Variants in VPS13D observed in about 807,000 individuals in gnomAD.
The protein encoded by VPS13D is vacuolar protein sorting 13 homolog D, also known as intermembrane lipid transfer protein VPS13D.
VPS13D carries 187 observed loss-of-function variants against 461.9 expected under a neutral mutation model. The ratio of observed to expected loss-of-function variants is 0.40; its 90% CI spans 0.36 to 0.46. The LOEUF (loss-of-function observed/expected upper bound fraction) is 0.46, where lower values mean the gene tolerates loss of function less well. VPS13D is among the 20% of genes least tolerant of loss of function. The pLI is 0.60. For synonymous variants in VPS13D, 1,951 were observed against 1,986.3 expected, an observed-to-expected ratio of 0.98 and a Z score of 0.47; for missense variants, 4,711 against 5,364.9, an observed-to-expected ratio of 0.88 and a Z score of 3.81.
At chr1:12,354,345 G>A (rs1418498984) in intron 47 of VPS13D, 124 bp downstream of exon 47, 4 of 1,234,848 alleles carry the variant, frequency 3.2e-6, no homozygotes, top group South Asian at 1.5e-5. Flanking sequence ...CAATAAGCCA[G>A]CTCAAAGGAA....
intron 5 of VPS13D, among the ~76,000 whole-genome samples, chr1:12,248,823 C>A (rs1002551950): frequency 1.3e-5 from 2 of 152,044 alleles, no homozygotes; most frequent in Non-Finnish European, 2.9e-5. Context: ...GAACAATTGT[C>A]TGTATACAAT....
rs1447325986 is a variant in VPS13D at position 12,304,559 on chromosome 1, A to G, written c.6270A>G (p.Lys2090=). The G allele has an allele frequency of 3.1e-6, 5 of 1,613,998 alleles. No individual in the cohort carries two copies. In the African/African-American group the frequency reaches 6.7e-5, roughly 22 times the overall value. ...GTATTCCCAAACACAGTCTGAGGAA[A>G]ACGACAAGCACGGAGGAGCCCAGGG... The part of the protein sequence containing the change: ...PTGIPKHSLR[K]TTSTEEPRGT... Residue 2090 remains lysine, a synonymous_variant, in exon 26 of 70, where the codon AAA becomes AAG. Coordinates refer to ENST00000620676, the MANE Select transcript of VPS13D (RefSeq NM_015378.4).
rs945208976 is a variant in VPS13D, at chr1:12,502,838, C to T, written c.12795-4015C>T. ...CCCCCACAGGTTTGGGGTAACTGGG[C>T]ACCTGTTCTCAACAGAAGAGCTACC... On this transcript the variant is annotated intron_variant, in intron 68 of 69. Transcript: ENST00000620676. The surrounding 1 kb of genome is among the most constrained non-coding windows in gnomAD (Gnocchi z 4.3). Among the ~76,000 whole-genome samples the T allele has an allele frequency of 6.6e-6, 1 of 152,010 alleles. No individual in the cohort carries two copies. Among genetic ancestry groups the T allele is most frequent in the Non-Finnish European group, 1.5e-5 (1 of 68,000 alleles).
chr1:12,241,834 G>A (rs987545497), intron 2 of VPS13D, among the ~76,000 whole-genome samples: 3 of 152,080 alleles, frequency 2.0e-5, no homozygotes, highest in Admixed American at 6.6e-5. Flanking sequence ...CTCATTTTGG[G>A]GAGGGGTTGG....
At chr1:12,266,407 C>G (rs1641269784) in intron 13 of VPS13D, among the ~76,000 whole-genome samples, 1 of 152,190 alleles carries the variant, frequency 6.6e-6, no homozygotes, top group African/African-American at 2.4e-5. Flanking sequence ...CACAGTCACC[C>G]CAACACTTCA....
chr1:12,497,452 T>G (rs751456751), intron 67 of VPS13D, 48 bp from the exon 68 acceptor site: 10 of 1,564,746 alleles, frequency 6.4e-6, no homozygotes, highest in Non-Finnish European at 8.7e-6. Flanking sequence ...AAAATCATTT[T>G]AACCTGCACA....
At position 12,311,507 on chromosome 1, in the gene VPS13D, T is replaced by C; in HGVS notation, c.6704T>C (p.Val2235Ala). The change falls in exon 28 of 70, where the codon GTC (valine) becomes GCC (alanine). Residue 2235 changes from valine to alanine, a missense_variant. Val to Ala is a moderately conservative substitution (Grantham distance 64, BLOSUM62 0). Around this residue, in one of 3 missense-constraint regions of VPS13D, gnomAD observed 4,411 missense variants for 4,937.8 expected, o/e 0.89. Transcript: ENST00000620676. ...DISIHGNLSS[V>A]HCSLDLYKYK... ...TCTATCCATGGCAATCTCTCCTCAG[T>C]CCACTGCTCTCTGGATCTGTATAAA... 1 of 1,614,152 alleles carries C rather than the reference T, an allele frequency of 6.2e-7. No homozygotes were observed. Among genetic ancestry groups the C allele is most frequent in the South Asian group, 1.1e-5 (1 of 91,072 alleles).
chr1:12,407,387 A>G (rs1644669613), intron 63 of VPS13D: 1 of 152,240 alleles, frequency 6.6e-6, no homozygotes, highest in Admixed American at 6.5e-5. Flanking sequence ...AGACTTCAGC[A>G]GTTTTCGCGT....
At chr1:12,328,503 T>A (rs1042576381) in intron 36 of VPS13D, among the ~76,000 whole-genome samples, 1 of 152,106 alleles carries the variant, frequency 6.6e-6, no homozygotes, top group Non-Finnish European at 1.5e-5. Flanking sequence ...TGGGAGTACT[T>A]GATCCTTAAG....
intron 54 of VPS13D, among the ~76,000 whole-genome samples, chr1:12,370,573 TA>T (rs1390211928): frequency 6.6e-6 from 1 of 152,250 alleles, no homozygotes; most frequent in Non-Finnish European, 1.5e-5. Flanking sequence ...ATTTCACTAG[TA>T]ATAATTGAAT....
chr1:12,329,622 C>T lies in VPS13D; in HGVS notation c.8198-207C>T, dbSNP rs190628517. Among the ~76,000 whole-genome samples, 202 of 152,268 alleles carry T rather than the reference C, an allele frequency of 1.3e-3. 1 individual carries two copies. Among genetic ancestry groups the T allele is most frequent in the African/African-American group, 4.6e-3 (193 of 41,538 alleles). Reference sequence around the variant, plus strand: ...CTCAGGCACAGAGTTTAAGAGGGTGCCAGAAAACTCAGTCATGGAGATAAA... The same window carrying T: ...CTCAGGCACAGAGTTTAAGAGGGTGTCAGAAAACTCAGTCATGGAGATAAA... On this transcript the variant is annotated intron_variant, in intron 36 of 69. Transcript: ENST00000620676.
rs751329415 is a variant in VPS13D, at chr1:12,271,028, G to T, written c.2007G>T (p.Val669=). The part of the protein sequence containing the change: ...FGYQSELELR[V]AEAARRQYNK... ...ATCAGTCTGAACTTGAGCTGAGAGT[G>T]GCTGAAGCTGCCCGAAGACAATATA... Residue 669 remains valine (V), a synonymous_variant, in exon 17 of 70, where the codon GTG becomes GTT. Coordinates refer to ENST00000620676, the MANE Select transcript of VPS13D (RefSeq NM_015378.4). 1.9e-5 allele frequency: 31 copies of T among 1,613,794 alleles called. No individual in the cohort carries two copies. The Admixed American group carries it at 3.0e-4, about 16-fold the overall frequency.
chr1:12,278,877 A>C (rs1641697570), intron 19 of VPS13D, among the ~76,000 whole-genome samples: 1 of 152,192 alleles, frequency 6.6e-6, no homozygotes, highest in Admixed American at 6.5e-5. Flanking sequence ...ATCAGCTAAA[A>C]CCAAACAGTC....
At chr1:12,431,956 T>C (rs185199200) in intron 65 of VPS13D, among the ~76,000 whole-genome samples, 1 of 152,334 alleles carries the variant, frequency 6.6e-6, no homozygotes, top group East Asian at 1.9e-4. Context: ...GATGAAACTT[T>C]AATAGACACA....
chr1:12,400,962 G>GCGCACACACACACACA (rs1253464149), intron 61 of VPS13D, among the ~76,000 whole-genome samples: 18 of 106,218 alleles, frequency 1.7e-4, no homozygotes, highest in African/African-American at 4.7e-4. Flanking sequence ...CTGCGCGCGC[G>GCGCACACACACACACA]CACACACACA....
intron 21 of VPS13D, among the ~76,000 whole-genome samples, chr1:12,287,281 G>A (rs9430727): frequency 0.22 from 32,926 of 152,140 alleles, 6,532 homozygotes; most frequent in African/African-American, 0.53. Context: ...CATTGCTCCA[G>A]CTATAGTAAC....
At chr1:12,261,439 C>G (rs1311190046) in intron 12 of VPS13D, among the ~76,000 whole-genome samples, 1 of 152,224 alleles carries the variant, frequency 6.6e-6, no homozygotes, top group Non-Finnish European at 1.5e-5. Flanking sequence ...TCTAGAGCCT[C>G]TCTTAAACCT....
chr1:12,233,201 T>TCACC (rs963000852), intron 1 of VPS13D, among the ~76,000 whole-genome samples: 3 of 152,102 alleles, frequency 2.0e-5, no homozygotes, highest in African/African-American at 7.2e-5. Context: ...AGACAGGGTT[T>TCACC]CACCATGTTG....
At chr1:12,385,394 A>G in intron 59 of VPS13D, 21 bp downstream of exon 59, 1 of 1,569,224 alleles carries the variant, frequency 6.4e-7, no homozygotes, top group South Asian at 1.2e-5. Flanking sequence ...AATATTGTGA[A>G]TTTATTTATT....
Sources: gnomAD v4.1 joint callset for allele counts (sites outside exome capture counted in the v4.1 genomes callset) on GRCh38, gnomAD v4.1.1 for gene constraint, gnomAD v4.1.1 regional missense constraint, Gnocchi (gnomAD v3.1) non-coding constraint, MANE v1.5 for transcripts, NCBI Gene and HGNC (gene_info 2026-07-23, HGNC 2026-07-21) for gene names.